CLIC4: variants seen among roughly 807,000 people sequenced by gnomAD.
CLIC4 encodes CLIC family member 4.
Under a neutral mutation model 24.6 loss-of-function variants are expected in CLIC4, and 13 were observed. The ratio of observed to expected loss-of-function variants is 0.53; its 90% CI spans 0.34 to 0.84. The LOEUF (loss-of-function observed/expected upper bound fraction) is 0.84, where lower values mean the gene tolerates loss of function less well. CLIC4 is among the 40% of genes least tolerant of loss of function. CLIC4 has a pLI of 0.01. For synonymous variants in CLIC4, 104 were observed against 111.3 expected (o/e 0.93, Z 0.41); for missense variants, 227 against 301.7 (o/e 0.75, Z 1.83).
At chr1:24,808,711 C>G (rs1024822735) in intron 2 of CLIC4, among the ~76,000 whole-genome samples, 3 of 147,154 alleles carry the variant, frequency 2.0e-5, no homozygotes, top group Non-Finnish European at 4.5e-5. Flanking sequence ...GAGTCTCACT[C>G]TGTCACCCAG....
intron 4 of CLIC4, among the ~76,000 whole-genome samples, chr1:24,830,697 T>C (rs369689656): frequency 1.3e-5 from 2 of 152,320 alleles, no homozygotes; most frequent in East Asian, 3.9e-4. Context: ...AAAGGGTGTT[T>C]TGACTTTCAT....
At chr1:24,795,645 A>G (rs1639389632) in intron 1 of CLIC4, among the ~76,000 whole-genome samples, 1 of 152,144 alleles carries the variant, frequency 6.6e-6, no homozygotes, top group Non-Finnish European at 1.5e-5. Context: ...ATCTCGGCTC[A>G]CCGCAACCTC....
At position 24,797,782 on chromosome 1, in the gene CLIC4, C is replaced by T; in HGVS notation, c.113C>T (p.Ser38Phe). 1 of 1,613,340 alleles carries T rather than the reference C, an allele frequency of 6.2e-7. No homozygotes were observed. ...DGESIGNCPF[S>F]QRLFMILWLK... ...GAAAGCATAGGAAACTGCCCCTTTT[C>T]CCAGAGGCTCTTCATGATTCTTTGG... The change falls in exon 2 of 6, where the codon TCC becomes TTC. Residue 38 changes from serine (S) to phenylalanine (F), a missense_variant. Coordinates refer to ENST00000374379, the MANE Select transcript of CLIC4 (RefSeq NM_013943.3).
chr1:24,793,941 G>A (rs1358974179), intron 1 of CLIC4, among the ~76,000 whole-genome samples: 1 of 152,152 alleles, frequency 6.6e-6, no homozygotes, highest in Non-Finnish European at 1.5e-5. Flanking sequence ...CAGCATCTTT[G>A]AATGACTTAT....
intron 1 of CLIC4, among the ~76,000 whole-genome samples, chr1:24,769,210 A>T (rs570118738): frequency 1.3e-5 from 2 of 152,362 alleles, no homozygotes; most frequent in Admixed American, 6.5e-5. Context: ...ATAATGTTAT[A>T]AGTTTTCTGA....
intron 1 of CLIC4, among the ~76,000 whole-genome samples, chr1:24,752,935 A>T (rs1638794897): frequency 1.3e-5 from 2 of 152,006 alleles, no homozygotes; most frequent in South Asian, 4.1e-4. Context: ...GTTGGTCAGG[A>T]TGGTCTCGAT....
In CLIC4 at chr1:24,764,586, G is replaced by A. The variant is rs1413529710; in HGVS notation, c.72+18961G>A. Reference sequence around the variant, plus strand: ...GGAGGATTGCTTGAGCCCAGGAGGCGAAGTTTGCAGTGAGCCAAGATAGTG... The same window carrying A: ...GGAGGATTGCTTGAGCCCAGGAGGCAAAGTTTGCAGTGAGCCAAGATAGTG... On this transcript the variant is annotated intron_variant, in intron 1 of 5. Transcript: ENST00000374379. Among the ~76,000 whole-genome samples, 24 of 151,902 alleles carry A rather than the reference G, an allele frequency of 1.6e-4. 1 individual carries two copies. Among genetic ancestry groups the A allele is most frequent in the South Asian group, 1.0e-3 (5 of 4,790 alleles).
intron 1 of CLIC4, among the ~76,000 whole-genome samples, chr1:24,796,681 A>G (rs938539420): frequency 1.3e-5 from 2 of 152,182 alleles, no homozygotes; most frequent in African/African-American, 4.8e-5. Flanking sequence ...GTGTCAGCAT[A>G]CCCTGTGATG....
At chr1:24,762,343 G>C (rs1022172338) in intron 1 of CLIC4, among the ~76,000 whole-genome samples, 2 of 152,140 alleles carry the variant, frequency 1.3e-5, no homozygotes, top group African/African-American at 2.4e-5. Context: ...AGGTTCACTT[G>C]AACCCAGGAG....
chr1:24,839,595 G>A (rs1025877019), intron 4 of CLIC4, among the ~76,000 whole-genome samples: 33 of 152,118 alleles, frequency 2.2e-4, no homozygotes, highest in African/African-American at 7.2e-4. Flanking sequence ...CACCGCGCCC[G>A]GCCATTTGTT....
At chr1:24,798,871 C>T (rs925333841) in intron 2 of CLIC4, among the ~76,000 whole-genome samples, 47 of 152,246 alleles carry the variant, frequency 3.1e-4, no homozygotes, top group Non-Finnish European at 5.6e-4. Context: ...GGTCTCCAGC[C>T]CCTAACCGCG....
At chr1:24,791,247 T>C (rs1639330279) in intron 1 of CLIC4, among the ~76,000 whole-genome samples, 1 of 152,194 alleles carries the variant, frequency 6.6e-6, no homozygotes. Context: ...CAAAACTGGG[T>C]ATAGAATAAA....
intron 3 of CLIC4, among the ~76,000 whole-genome samples, chr1:24,824,122 A>G (rs1347009356): frequency 6.6e-6 from 1 of 152,226 alleles, no homozygotes; most frequent in Non-Finnish European, 1.5e-5. Context: ...TTACAATGTA[A>G]TGTTTGGGGA....
intron 2 of CLIC4, among the ~76,000 whole-genome samples, chr1:24,799,015 T>C (rs374740174): frequency 5.3e-5 from 8 of 152,174 alleles, no homozygotes; most frequent in Non-Finnish European, 8.8e-5. Flanking sequence ...CTCCCAGCCG[T>C]CTGCCTTGGC....
At chr1:24,829,725 G>A (rs1413343688) in intron 4 of CLIC4, among the ~76,000 whole-genome samples, 2 of 152,120 alleles carry the variant, frequency 1.3e-5, no homozygotes, top group African/African-American at 4.8e-5. Context: ...TATTTAGATG[G>A]AGGCAAGGAA....
rs889208255 is a variant in CLIC4, at chr1:24,827,953, A to G, written c.415+837A>G. Among the ~76,000 whole-genome samples the G allele has an allele frequency of 4.6e-5, 7 of 152,296 alleles. No individual in the cohort carries two copies. The South Asian group carries it at 6.2e-4, about 14-fold the overall frequency. The stretch of plus-strand genomic sequence containing the variant: ...TTAGTGTTTATTTGAAAGTAACCCA[A>G]TAACCAAAAATGCTAGCTTCTAAAA... On this transcript the variant is annotated intron_variant, in intron 4 of 5. Coordinates refer to ENST00000374379, the MANE Select transcript of CLIC4 (RefSeq NM_013943.3).
At chr1:24,789,318 G>C (rs1236294106) in intron 1 of CLIC4, among the ~76,000 whole-genome samples, 1 of 152,200 alleles carries the variant, frequency 6.6e-6, no homozygotes, top group Non-Finnish European at 1.5e-5. Flanking sequence ...AGGAGTTCAA[G>C]ACCAGCCTGA....
intron 2 of CLIC4, among the ~76,000 whole-genome samples, chr1:24,800,507 C>T (rs1204099744): frequency 6.6e-6 from 1 of 151,838 alleles, no homozygotes; most frequent in East Asian, 2.0e-4. Flanking sequence ...TCTGCCCGGC[C>T]GCCCCTACTG....
At chr1:24,814,006 C>A in intron 2 of CLIC4, 88 bp from the exon 3 acceptor site, 1 of 1,530,624 alleles carries the variant, frequency 6.5e-7, no homozygotes, top group East Asian at 2.3e-5. Context: ...CGCAAGCCAC[C>A]GTGCCTGGCC....
Sources: gnomAD v4.1 joint callset for allele counts (sites outside exome capture counted in the v4.1 genomes callset) on GRCh38, gnomAD v4.1.1 for gene constraint, MANE v1.5 for transcripts, NCBI Gene and HGNC (gene_info 2026-07-23, HGNC 2026-07-21) for gene names.